Variants in AMPH observed in about 807,000 individuals in gnomAD.
AMPH encodes amphiphysin (Stiff-Mann syndrome with breast cancer 128kD autoantigen).
Under a neutral mutation model 99.1 loss-of-function variants are expected in AMPH, and 49 were observed. That is an observed-to-expected ratio of 0.49 (90% CI 0.39 to 0.63). The LOEUF (loss-of-function observed/expected upper bound fraction) is 0.63, where lower values mean the gene tolerates loss of function less well. Ranked by LOEUF, AMPH falls within the 20% of genes least tolerant of loss-of-function variation. The pLI is 0.00. For synonymous variants in AMPH, 314 were observed against 317.3 expected (o/e 0.99, Z 0.11); for missense variants, 759 against 863.4 (o/e 0.88, Z 1.52).
chr7:38,405,262 G>C (rs1036348886), intron 17 of AMPH, among the ~76,000 whole-genome samples: 1 of 152,122 alleles, frequency 6.6e-6, no homozygotes, highest in Non-Finnish European at 1.5e-5. Context: ...GCACACATAA[G>C]TACAAAGTTC....
intron 20 of AMPH, among the ~76,000 whole-genome samples, chr7:38,387,378 A>G (rs1784376364): frequency 1.3e-5 from 2 of 152,218 alleles, no homozygotes; most frequent in Non-Finnish European, 2.9e-5. Context: ...AAGTATATAA[A>G]TTGAGAGACA....
chr7:38,566,187 A>C (rs1584252223), intron 1 of AMPH, among the ~76,000 whole-genome samples: 1 of 152,226 alleles, frequency 6.6e-6, no homozygotes, highest in African/African-American at 2.4e-5. Context: ...GACCAAAAAC[A>C]ATAGTAATGA....
At position 38,386,955 on chromosome 7, in the gene AMPH, C is replaced by T. The variant is rs544096440; in HGVS notation, c.1981-2030G>A. Among the ~76,000 whole-genome samples, 8 of 152,224 alleles carry T rather than the reference C, an allele frequency of 5.3e-5. No individual in the cohort carries two copies. The South Asian group carries it at 6.2e-4, about 12-fold the overall frequency. On this transcript the variant is annotated intron_variant, in intron 20 of 20. Transcript: ENST00000356264. The stretch of plus-strand genomic sequence containing the variant: ...AAGGCTCCCAGAGAAGCTGTACACT[C>T]AGGGGGGTTATCTTGAAAAGAAAGG...
At chr7:38,430,940 T>G (rs749170028) in intron 13 of AMPH, among the ~76,000 whole-genome samples, 10 of 152,230 alleles carry the variant, frequency 6.6e-5, no homozygotes, top group Non-Finnish European at 1.3e-4. Flanking sequence ...GAAGTGGCAT[T>G]GCCCATGAAT....
intron 4 of AMPH, among the ~76,000 whole-genome samples, chr7:38,493,149 C>G (rs1317032166): frequency 6.6e-6 from 1 of 152,138 alleles, no homozygotes; most frequent in Admixed American, 6.5e-5. Flanking sequence ...CATGGAGCAG[C>G]CTAGGACTCC....
At chr7:38,481,211 C>A (rs1215171694) in intron 5 of AMPH, among the ~76,000 whole-genome samples, 1 of 151,720 alleles carries the variant, frequency 6.6e-6, no homozygotes, top group African/African-American at 2.4e-5. Context: ...GGGGAAAACC[C>A]AAATCTCCTA....
chr7:38,525,277 TAG>T lies in AMPH; in HGVS notation c.150+9652_150+9653del, dbSNP rs66462162. Among the ~76,000 whole-genome samples, 816 of 86,554 alleles carry T rather than the reference TAG, an allele frequency of 9.4e-3. 6 individuals are homozygous for T. The highest frequency in any genetic ancestry group is 0.022 in the African/African-American group (470 of 21,058). 56.8% of individuals were successfully genotyped at this position (86,554 alleles called of 152,430 possible). On this transcript the variant is annotated intron_variant, in intron 2 of 20. Coordinates refer to ENST00000356264, the MANE Select transcript of AMPH (RefSeq NM_001635.4). The stretch of plus-strand genomic sequence containing the variant: ...GTGTGTGTATATATATATATATATA[TAG>T]AGAGAGAGAGAGAGAGAGAGAGAGA...
intron 2 of AMPH, among the ~76,000 whole-genome samples, chr7:38,511,929 G>C (rs1313965670): frequency 6.6e-6 from 1 of 152,178 alleles, no homozygotes; most frequent in Non-Finnish European, 1.5e-5. Flanking sequence ...ATATCCAAGT[G>C]GTTAACATCA....
chr7:38,475,506 T>C, intron 6 of AMPH, 90 bp from the exon 7 acceptor site: 5 of 817,546 alleles, frequency 6.1e-6, no homozygotes, highest in East Asian at 2.7e-5. Flanking sequence ...AATAGTCTTA[T>C]GGCATCTTGG....
intron 17 of AMPH, among the ~76,000 whole-genome samples, chr7:38,415,057 C>T (rs1232931946): frequency 3.9e-5 from 6 of 151,970 alleles, no homozygotes; most frequent in Non-Finnish European, 7.4e-5. Flanking sequence ...TTTTTAAATG[C>T]ATCCTGTAGA....
chr7:38,596,928 C>G (rs12536957), intron 1 of AMPH, among the ~76,000 whole-genome samples: 22,919 of 152,238 alleles, frequency 0.15, 2,280 homozygotes, highest in Admixed American at 0.26. Flanking sequence ...TCTGATCATA[C>G]TTCTCTCTGG....
intron 2 of AMPH, among the ~76,000 whole-genome samples, chr7:38,516,034 G>T (rs1789726236): frequency 6.6e-6 from 1 of 152,334 alleles, no homozygotes; most frequent in South Asian, 2.1e-4. Context: ...CATGAGCAAA[G>T]AAATGACCTG....
At chr7:38,513,984 T>C (rs1789641127) in intron 2 of AMPH, among the ~76,000 whole-genome samples, 1 of 152,212 alleles carries the variant, frequency 6.6e-6, no homozygotes. Flanking sequence ...TTGACCCCCC[T>C]TTGCTTCAAA....
At chr7:38,577,981 C>T (rs532114125) in intron 1 of AMPH, among the ~76,000 whole-genome samples, 144 of 152,342 alleles carry the variant, frequency 9.5e-4, no homozygotes, top group African/African-American at 2.8e-3. Flanking sequence ...ACGATAGCTG[C>T]GTCACCTGTG....
chr7:38,627,922 G>A (rs1276783031), intron 1 of AMPH, among the ~76,000 whole-genome samples: 4 of 152,140 alleles, frequency 2.6e-5, no homozygotes, highest in East Asian at 3.9e-4. Flanking sequence ...GCATGTAGCA[G>A]GATCCTGACT....
intron 17 of AMPH, among the ~76,000 whole-genome samples, chr7:38,401,463 G>T (rs3819735): frequency 0.081 from 12,268 of 152,214 alleles, 530 homozygotes; most frequent in East Asian, 0.19. Flanking sequence ...TTGCAATATA[G>T]CTTCATAAAA....
intron 12 of AMPH, among the ~76,000 whole-genome samples, chr7:38,432,519 C>T (rs1786072130): frequency 1.3e-5 from 2 of 151,618 alleles, no homozygotes; most frequent in African/African-American, 4.8e-5. Flanking sequence ...TAGCACAGGT[C>T]TAATCAATCT....
At chr7:38,455,442 G>A (rs1327658366) in intron 11 of AMPH, among the ~76,000 whole-genome samples, 2 of 152,168 alleles carry the variant, frequency 1.3e-5, no homozygotes, top group Non-Finnish European at 2.9e-5. Flanking sequence ...CTTCCACAGA[G>A]CGGAAGCAAA....
At chr7:38,587,335 A>G (rs1562846115) in intron 1 of AMPH, among the ~76,000 whole-genome samples, 1 of 152,196 alleles carries the variant, frequency 6.6e-6, no homozygotes, top group Non-Finnish European at 1.5e-5. Context: ...AGTGCCAGCA[A>G]AAACCAATCT....
Sources: allele counts gnomAD v4.1 joint callset (sites outside exome capture counted in the v4.1 genomes callset), GRCh38; gene constraint gnomAD v4.1.1; transcripts MANE v1.5; gene names NCBI Gene and HGNC (gene_info 2026-07-23, HGNC 2026-07-21).